Variants in SUMF1 observed in about 807,000 individuals in gnomAD.
The protein encoded by SUMF1 is sulfatase modifying factor 1.
In SUMF1, 48 loss-of-function variants were observed where a neutral mutation model predicts 47.6. The observed-to-expected ratio is 1.01, with a 90% CI of 0.80 to 1.28. SUMF1 has a LOEUF of 1.28. Ranked by LOEUF, SUMF1 falls within the 50% of genes most tolerant of loss-of-function variation. The probability of loss-of-function intolerance (pLI) is 0.00; values close to 1 mark genes in which losing one functional copy is unlikely to be tolerated. For missense variants in SUMF1, 571 were observed against 485.4 expected, an observed-to-expected ratio of 1.18 and a Z score of -1.66; for synonymous variants, 230 against 192.1, an observed-to-expected ratio of 1.20 and a Z score of -1.63.
chr3:4,228,178 A>C (rs566925859), intron 8 of SUMF1, among the ~76,000 whole-genome samples: 1 of 152,130 alleles, frequency 6.6e-6, no homozygotes, highest in Admixed American at 6.6e-5. Context: ...TCAATATATC[A>C]TTTATAACTA....
At chr3:4,461,848 C>T (rs974256576) in intron 1 of SUMF1, among the ~76,000 whole-genome samples, 6 of 152,262 alleles carry the variant, frequency 3.9e-5, no homozygotes, top group Middle Eastern at 3.4e-3. Context: ...GGATCCAAAG[C>T]CACATAAAAA....
intron 3 of SUMF1, among the ~76,000 whole-genome samples, chr3:4,440,528 T>C (rs908380274): frequency 5.9e-5 from 9 of 152,252 alleles, no homozygotes; most frequent in Admixed American, 2.0e-4. Flanking sequence ...AGAGTTGTCG[T>C]GCAGTTGTGA....
intron 8 of SUMF1, among the ~76,000 whole-genome samples, chr3:4,267,252 G>A (rs1030472246): frequency 2.6e-5 from 4 of 152,092 alleles, no homozygotes; most frequent in Non-Finnish European, 4.4e-5. Flanking sequence ...AATGAGTTAG[G>A]GAGGTTTCCC....
At chr3:4,137,306 G>C (rs1693959852) in intron 8 of SUMF1, among the ~76,000 whole-genome samples, 1 of 152,094 alleles carries the variant, frequency 6.6e-6, no homozygotes, top group Non-Finnish European at 1.5e-5. Flanking sequence ...AAAAGGATGA[G>C]TTCACGTCCT....
chr3:4,191,310 G>A (rs1695310245), intron 8 of SUMF1, among the ~76,000 whole-genome samples: 2 of 152,100 alleles, frequency 1.3e-5, no homozygotes, highest in Admixed American at 6.6e-5. Flanking sequence ...CACACAGCAA[G>A]CCACACTTTG....
intron 8 of SUMF1, among the ~76,000 whole-genome samples, chr3:4,190,189 GTTTT>G (rs200279859): frequency 1.4e-5 from 2 of 141,968 alleles, no homozygotes; most frequent in African/African-American, 2.6e-5. Context: ...CTTATGGAGA[GTTTT>G]TTTTTTTTTT....
At chr3:4,183,882 A>G (rs1695145746) in intron 8 of SUMF1, among the ~76,000 whole-genome samples, 1 of 152,162 alleles carries the variant, frequency 6.6e-6, no homozygotes, top group African/African-American at 2.4e-5. Flanking sequence ...CATTAAAGAA[A>G]AATGGCAATT....
chr3:4,316,171 T>C (rs1162394554), intron 8 of SUMF1: 7 of 636,616 alleles, frequency 1.1e-5, no homozygotes, highest in Non-Finnish European at 2.0e-5. Context: ...TTTATGTTTT[T>C]TTGCTAATGA....
chr3:4,246,374 TC>T (rs1204385912), intron 8 of SUMF1, among the ~76,000 whole-genome samples: 3 of 151,978 alleles, frequency 2.0e-5, no homozygotes, highest in African/African-American at 7.2e-5. Context: ...CTGGAGCTGT[TC>T]CTATTCGGCC....
Position 4,140,416 on chromosome 3 carries a change from C to T in SUMF1, c.1015-71671G>A, listed in dbSNP as rs189846704. Among the ~76,000 whole-genome samples the T allele has an allele frequency of 8.5e-5, 13 of 152,048 alleles. No individual in the cohort carries two copies. The East Asian group carries it at 2.3e-3, about 27-fold the overall frequency. ...TCTTACTCCATTCTTATGTAACTTC[C>T]TGCTATCCCCACCTAGAACTCTACT... On this transcript the variant is annotated intron_variant and NMD_transcript_variant, in intron 8 of 12. Coordinates refer to the SUMF1 transcript ENST00000448413.
At chr3:4,055,087 T>G (rs944180515) in intron 9 of SUMF1, among the ~76,000 whole-genome samples, 22 of 152,172 alleles carry the variant, frequency 1.4e-4, no homozygotes, top group Non-Finnish European at 2.1e-4. Context: ...ACAGATACTG[T>G]AGTGGAGTGC....
At chr3:4,351,275 A>C (rs529745145) in intron 8 of SUMF1, among the ~76,000 whole-genome samples, 7 of 152,348 alleles carry the variant, frequency 4.6e-5, no homozygotes, top group Admixed American at 1.3e-4. Context: ...GAACAGAAGC[A>C]AATGTTGAGT....
At chr3:4,221,810 A>G (rs1574992760) in intron 8 of SUMF1, among the ~76,000 whole-genome samples, 1 of 152,110 alleles carries the variant, frequency 6.6e-6, no homozygotes, top group Non-Finnish European at 1.5e-5. Flanking sequence ...TAGTATACAT[A>G]TATGTTTCAC....
chr3:4,200,865 A>T (rs1412999325), intron 8 of SUMF1, among the ~76,000 whole-genome samples: 1 of 152,090 alleles, frequency 6.6e-6, no homozygotes, highest in Non-Finnish European at 1.5e-5. Context: ...AAATGTGTGG[A>T]TTCATTTCTA....
chr3:4,166,751 C>A (rs982648753), intron 8 of SUMF1, among the ~76,000 whole-genome samples: 1 of 152,038 alleles, frequency 6.6e-6, no homozygotes, highest in Non-Finnish European at 1.5e-5. Flanking sequence ...GGCTGCAGGG[C>A]CAACCAACTT....
chr3:4,316,697 T>C (rs1202238901), intron 8 of SUMF1: 9 of 1,551,096 alleles, frequency 5.8e-6, no homozygotes, highest in Non-Finnish European at 7.8e-6. Context: ...GGATTTTATA[T>C]GACAACCGGC....
chr3:4,096,878 G>A (rs1046059686), intron 8 of SUMF1, among the ~76,000 whole-genome samples: 1 of 152,040 alleles, frequency 6.6e-6, no homozygotes, highest in Non-Finnish European at 1.5e-5. Flanking sequence ...CAGGAGAACA[G>A]GCTCAGTGTT....
At chr3:4,137,385 C>T in intron 8 of SUMF1, among the ~76,000 whole-genome samples, 1 of 151,350 alleles carries the variant, frequency 6.6e-6, no homozygotes, top group East Asian at 1.9e-4. Flanking sequence ...AAAAACCAAA[C>T]ACCGCATGTT....
At chr3:4,416,134 A>G (rs1488520765) in intron 6 of SUMF1, among the ~76,000 whole-genome samples, 1 of 152,236 alleles carries the variant, frequency 6.6e-6, no homozygotes, top group Non-Finnish European at 1.5e-5. Flanking sequence ...ATACACCAAT[A>G]GAGGAAAACA....
Sources: gnomAD v4.1 joint callset for allele counts (sites outside exome capture counted in the v4.1 genomes callset) on GRCh38, gnomAD v4.1.1 for gene constraint, MANE v1.5 for transcripts, NCBI Gene and HGNC (gene_info 2026-07-23, HGNC 2026-07-21) for gene names.